CFTR: variants seen among roughly 807,000 people sequenced by gnomAD.
The protein encoded by CFTR is CF transmembrane conductance regulator, also known as cystic fibrosis transmembrane conductance regulator.
Under a neutral mutation model 171.6 loss-of-function variants are expected in CFTR, and 181 were observed. That is an observed-to-expected ratio of 1.05 (90% CI 0.93 to 1.19). The LOEUF (loss-of-function observed/expected upper bound fraction) is 1.19. Among genes scored for constraint, CFTR ranks in the 50% most tolerant of loss-of-function variants. The pLI is 0.00. For missense variants in CFTR, 1,968 were observed against 1,734.7 expected, an observed-to-expected ratio of 1.13 and a Z score of -2.39; for synonymous variants, 583 against 608.0, an observed-to-expected ratio of 0.96 and a Z score of 0.60.
chr7:117,580,578 A>G (rs1337583149), intron 11 of CFTR, among the ~76,000 whole-genome samples: 1 of 152,090 alleles, frequency 6.6e-6, no homozygotes, highest in African/African-American at 2.4e-5. Flanking sequence ...ATGTGCAATG[A>G]TATTATTGGT....
chr7:117,501,777 A>AAAAAAAAAAAAAAAAC (rs1798334833), intron 1 of CFTR, among the ~76,000 whole-genome samples: 1 of 135,740 alleles, frequency 7.4e-6, no homozygotes, highest in Non-Finnish European at 1.6e-5. Flanking sequence ...AAAAAGAAAC[A>AAAAAAAAAAAAAAAAC]AAAAAAAAAA....
rs1228305331 is a variant in CFTR at position 117,526,274 on chromosome 7, A to G, written c.274-4625A>G. Among the ~76,000 whole-genome samples the G allele has an allele frequency of 2.0e-5, 3 of 147,364 alleles. No individual in the cohort carries two copies. In the East Asian group the frequency reaches 6.0e-4, roughly 29 times the overall value. On this transcript the variant is annotated intron_variant, in intron 3 of 26. Transcript: ENST00000003084. ...CTCCTGAATGACTACTGGGTACATA[A>G]CGAAATGAAGACAGAAATAAAGATG... is the stretch of plus-strand genomic sequence containing the variant.
intron 8 of CFTR, among the ~76,000 whole-genome samples, chr7:117,540,860 C>T (rs1338136642): frequency 6.6e-6 from 1 of 152,126 alleles, no homozygotes; most frequent in Non-Finnish European, 1.5e-5. Context: ...CTAATTTTGG[C>T]TCCTAGACCT....
At position 117,666,917 on chromosome 7, in the gene CFTR, G is replaced by T. The variant is rs397508707; in HGVS notation, c.4252G>T (p.Glu1418Ter). 6.2e-7 allele frequency: 1 copy of T among 1,614,030 alleles called. No homozygotes were observed. The highest frequency in any genetic ancestry group is 1.1e-5 in the South Asian group (1 of 91,072). ...ACAGCCATTTCCCTAGGTCATAGAAGAGAACAAAGTGCGGCAGTACGATTC... is the reference window on the plus strand; with the variant it reads ...ACAGCCATTTCCCTAGGTCATAGAATAGAACAAAGTGCGGCAGTACGATTC... ...LECQQFLVIE[E>*]NKVRQYDSIQ... Residue 1418 changes from glutamate (E) to a stop codon, truncating the protein, a stop_gained, in exon 27 of 27, where the codon GAG becomes TAG. Transcript: ENST00000003084. LOFTEE classifies it high-confidence loss of function.
intron 22 of CFTR, among the ~76,000 whole-genome samples, chr7:117,635,958 C>T (rs1792821397): frequency 6.6e-6 from 1 of 152,000 alleles, no homozygotes; most frequent in African/African-American, 2.4e-5. Context: ...TTCTCTAATA[C>T]ACTTTCTTTC....
intron 23 of CFTR, among the ~76,000 whole-genome samples, chr7:117,650,095 G>T (rs1371005523): frequency 1.3e-5 from 2 of 152,092 alleles, no homozygotes; most frequent in Non-Finnish European, 2.9e-5. Context: ...GTAGGGTCGT[G>T]TAGGCCATCT....
chr7:117,608,960 T>G (rs1450221998), intron 18 of CFTR, among the ~76,000 whole-genome samples: 1 of 152,236 alleles, frequency 6.6e-6, no homozygotes, highest in Admixed American at 6.5e-5. Context: ...CAGATTTTTA[T>G]GTGTAAAATA....
rs397508173 is a variant in CFTR, at chr7:117,480,105, C to T, written c.11C>T (p.Ser4Leu). The change falls in exon 1 of 27, where the codon TCG becomes TTG. Residue 4 changes from serine to leucine, a missense_variant. Coordinates refer to ENST00000003084, the MANE Select transcript of CFTR (RefSeq NM_000492.4). MQR[S>L]PLEKASVVSK... is the part of the protein sequence containing the mutation. ...AGCGCCCGAGAGACCATGCAGAGGT[C>T]GCCTCTGGAAAAGGCCAGCGTTGTC... The T allele has an allele frequency of 2.2e-5, 36 of 1,613,664 alleles. No homozygotes were observed. Among genetic ancestry groups the T allele is most frequent in the Non-Finnish European group, 1.2e-5 (14 of 1,179,912 alleles).
At chr7:117,504,901 T>C (rs1798390844) in intron 2 of CFTR, among the ~76,000 whole-genome samples, 1 of 152,170 alleles carries the variant, frequency 6.6e-6, no homozygotes, top group Non-Finnish European at 1.5e-5. Context: ...TTTCAGAGAA[T>C]TTGTCTTATT....
At chr7:117,531,882 C>T (rs1446702338) in intron 4 of CFTR, among the ~76,000 whole-genome samples, 1 of 152,082 alleles carries the variant, frequency 6.6e-6, no homozygotes, top group Non-Finnish European at 1.5e-5. Flanking sequence ...TTGCTTTACC[C>T]TTCTTCTCTC....
intron 24 of CFTR, among the ~76,000 whole-genome samples, chr7:117,659,350 C>A (rs769007561): frequency 5.3e-5 from 8 of 152,208 alleles, no homozygotes; most frequent in Non-Finnish European, 1.0e-4. Context: ...GTGGAAGTTC[C>A]TGGAGGTCAG....
chr7:117,626,778 TG>T (rs1484491178), intron 21 of CFTR, among the ~76,000 whole-genome samples: 4 of 152,034 alleles, frequency 2.6e-5, no homozygotes, highest in Non-Finnish European at 4.4e-5. Context: ...CAGAGATGTA[TG>T]TTTTTTTTAA....
At chr7:117,603,881 G>C in intron 17 of CFTR, 99 bp downstream of exon 17, 2 of 1,300,506 alleles carry the variant, frequency 1.5e-6, no homozygotes, top group South Asian at 2.4e-5. Flanking sequence ...TTTGCACAGA[G>C]GCATGTGCCC....
At chr7:117,501,970 T>A (rs1798339826) in intron 1 of CFTR, among the ~76,000 whole-genome samples, 1 of 152,222 alleles carries the variant, frequency 6.6e-6, no homozygotes, top group South Asian at 2.1e-4. Flanking sequence ...CCCAACTCTG[T>A]GTTCAATGAC....
intron 15 of CFTR, among the ~76,000 whole-genome samples, chr7:117,599,539 A>G (rs1397875055): frequency 2.0e-5 from 3 of 152,106 alleles, no homozygotes; most frequent in African/African-American, 4.8e-5. Context: ...ATTGCAAAAA[A>G]TTACCTTTTA....
intron 9 of CFTR, among the ~76,000 whole-genome samples, chr7:117,543,170 G>A (rs1799085662): frequency 6.6e-6 from 1 of 152,100 alleles, no homozygotes; most frequent in Non-Finnish European, 1.5e-5. Context: ...CAGTGTCCTA[G>A]GTCTAAATCT....
chr7:117,563,384 G>A (rs1047704827), intron 11 of CFTR, among the ~76,000 whole-genome samples: 6 of 152,116 alleles, frequency 3.9e-5, no homozygotes, highest in South Asian at 2.1e-4. Flanking sequence ...TGATGGACAG[G>A]AAGAGACAAG....
intron 17 of CFTR, among the ~76,000 whole-genome samples, chr7:117,605,739 G>A (rs1196546547): frequency 6.6e-6 from 1 of 152,142 alleles, no homozygotes; most frequent in African/African-American, 2.4e-5. Flanking sequence ...GGAAAGTGTA[G>A]AGTGTGTTTA....
intron 3 of CFTR, among the ~76,000 whole-genome samples, chr7:117,511,840 G>GTC (rs1798523874): frequency 6.6e-6 from 1 of 151,932 alleles, no homozygotes; most frequent in African/African-American, 2.4e-5. Context: ...CATTCTTTTT[G>GTC]TCTCTTATAA....
Sources: gnomAD v4.1 joint callset for allele counts (sites outside exome capture counted in the v4.1 genomes callset) on GRCh38, gnomAD v4.1.1 for gene constraint, MANE v1.5 for transcripts, NCBI Gene and HGNC (gene_info 2026-07-23, HGNC 2026-07-21) for gene names.